Variants in PTPRD observed in about 807,000 individuals in gnomAD.
The protein encoded by PTPRD is protein tyrosine phosphatase receptor type D.
In PTPRD, 34 loss-of-function variants were observed where a neutral mutation model predicts 214.5. The ratio of observed to expected loss-of-function variants is 0.16; its 90% CI spans 0.12 to 0.21. The LOEUF (loss-of-function observed/expected upper bound fraction) is 0.21, where lower values mean the gene tolerates loss of function less well. Among genes scored for constraint, PTPRD ranks in the 10% least tolerant of loss-of-function variants. The probability of loss-of-function intolerance (pLI) is 1.00; values close to 1 mark genes in which losing one functional copy is unlikely to be tolerated. For synonymous variants in PTPRD, 1,128 were observed against 845.7 expected (o/e 1.33, Z -5.79); for missense variants, 2,545 against 2,398.7 (o/e 1.06, Z -1.27).
intron 4 of PTPRD, among the ~76,000 whole-genome samples, chr9:9,964,051 C>T (rs1266415505): frequency 1.2e-5 from 1 of 83,106 alleles, no homozygotes; most frequent in Non-Finnish European, 2.8e-5. Context: ...CAGACAGAGG[C>T]AGAGGCAGGC....
intron 7 of PTPRD, among the ~76,000 whole-genome samples, chr9:9,631,981 A>C (rs533177801): frequency 1.3e-5 from 2 of 152,340 alleles, no homozygotes; most frequent in East Asian, 3.9e-4. Context: ...TAATGGAAAA[A>C]GGGTTTAACA....
At chr9:8,770,112 C>A (rs901943579) in intron 11 of PTPRD, among the ~76,000 whole-genome samples, 10 of 151,988 alleles carry the variant, frequency 6.6e-5, no homozygotes, top group African/African-American at 2.4e-4. Flanking sequence ...GAACCCTCGT[C>A]TCTACCAAAA....
intron 10 of PTPRD, among the ~76,000 whole-genome samples, chr9:9,113,102 C>G (rs2154453017): frequency 6.6e-6 from 1 of 151,816 alleles, no homozygotes; most frequent in East Asian, 1.9e-4. Context: ...GTGGCTAGAA[C>G]TATGGATGTG....
At chr9:8,773,436 C>T (rs946421524) in intron 11 of PTPRD, among the ~76,000 whole-genome samples, 6 of 152,132 alleles carry the variant, frequency 3.9e-5, no homozygotes, top group South Asian at 4.1e-4. Flanking sequence ...TCATGGTACT[C>T]GCTTGTTGGT....
At position 9,159,156 on chromosome 9, in the gene PTPRD, A is replaced by C. The variant is rs931075006; in HGVS notation, c.-143+24148T>G. Among the ~76,000 whole-genome samples the C allele has an allele frequency of 2.0e-5, 3 of 152,212 alleles. No individual in the cohort carries two copies. The South Asian group carries it at 6.2e-4, about 31-fold the overall frequency. On this transcript the variant is annotated intron_variant, in intron 10 of 45. Coordinates refer to ENST00000381196, the MANE Select transcript of PTPRD (RefSeq NM_002839.4). ...CTTTAAGGTCAGGGACAAGACAAGA[A>C]TGCCAAATTTGACAACTTCCTTTCA...
intron 3 of PTPRD, among the ~76,000 whole-genome samples, chr9:10,166,262 A>C (rs2099158436): frequency 6.6e-6 from 1 of 150,390 alleles, no homozygotes; most frequent in South Asian, 2.1e-4. Context: ...AAAAAACAAA[A>C]CACTCACACT....
At chr9:8,317,969 G>C (rs2130471420) in intron 45 of PTPRD, 27 bp from the exon 46 acceptor site, 1 of 1,590,232 alleles carries the variant, frequency 6.3e-7, no homozygotes, top group Non-Finnish European at 8.6e-7. Flanking sequence ...ATGGGGAGAA[G>C]CAAAAGAAGG....
At chr9:8,796,953 T>G (rs2096445334) in intron 11 of PTPRD, among the ~76,000 whole-genome samples, 1 of 152,164 alleles carries the variant, frequency 6.6e-6, no homozygotes, top group African/African-American at 2.4e-5. Context: ...TTCTAGTTTA[T>G]GGAATTGAAT....
At chr9:9,231,779 C>T (rs1480653612) in intron 9 of PTPRD, among the ~76,000 whole-genome samples, 5 of 151,954 alleles carry the variant, frequency 3.3e-5, no homozygotes, top group African/African-American at 7.3e-5. Flanking sequence ...ATGTGCACAA[C>T]GTACAGGTTT....
intron 39 of PTPRD, among the ~76,000 whole-genome samples, chr9:8,374,295 G>C (rs924711304): frequency 6.6e-6 from 1 of 151,742 alleles, no homozygotes; most frequent in Admixed American, 6.6e-5. Context: ...GGTCAGATCT[G>C]ACCAAGCAGA....
chr9:10,094,186 C>G (rs556311175), intron 3 of PTPRD, among the ~76,000 whole-genome samples: 11 of 151,600 alleles, frequency 7.3e-5, no homozygotes, highest in Non-Finnish European at 1.6e-4. Flanking sequence ...TTTACTCTGT[C>G]TATCCTCCTA....
intron 2 of PTPRD, among the ~76,000 whole-genome samples, chr9:10,468,650 A>G (rs912484269): frequency 1.3e-5 from 2 of 152,162 alleles, no homozygotes; most frequent in Admixed American, 1.3e-4. Context: ...AATATAATAA[A>G]AACATTAAAA....
At chr9:8,726,569 TAAAA>T (rs764810328) in intron 12 of PTPRD, among the ~76,000 whole-genome samples, 2 of 1,982 alleles carry the variant, frequency 1.0e-3, no homozygotes, top group Non-Finnish European at 8.4e-4. Context: ...CGGTCTCTAC[TAAAA>T]AAAAAAAAAA....
intron 11 of PTPRD, among the ~76,000 whole-genome samples, chr9:8,890,076 A>G (rs1224545730): frequency 2.0e-5 from 3 of 152,236 alleles, no homozygotes; most frequent in African/African-American, 7.2e-5. Flanking sequence ...CATTCCCTCC[A>G]GTAGTGTAAA....
chr9:9,424,437 G>A (rs186954009), intron 8 of PTPRD, among the ~76,000 whole-genome samples: 1 of 152,190 alleles, frequency 6.6e-6, no homozygotes, highest in Non-Finnish European at 1.5e-5. Flanking sequence ...ATAGCCCACG[G>A]CATTGTGTAG....
At chr9:8,866,481 T>C (rs1202755017) in intron 11 of PTPRD, among the ~76,000 whole-genome samples, 1 of 152,124 alleles carries the variant, frequency 6.6e-6, no homozygotes, top group Non-Finnish European at 1.5e-5. Context: ...CCAATTAACC[T>C]TAATAAAACA....
rs76032048 is a variant in PTPRD, at chr9:10,137,701, TAAAA to T, written c.-544-103915_-544-103912del. Among the ~76,000 whole-genome samples, 80 of 72,002 alleles carry T rather than the reference TAAAA, an allele frequency of 1.1e-3. 4 individuals carry two copies. The highest frequency in any genetic ancestry group is 1.7e-3 in the Non-Finnish European group (68 of 39,358). The allele number at this position is 72,002 out of a possible 152,430, so 47.2% of individuals were successfully genotyped here. ...ATGTACCCTAAAACTTAGAGTATAA[TAAAA>T]AAAAAAAAAAAAAAAAGAAATCATA... On this transcript the variant is annotated intron_variant, in intron 3 of 45. Transcript: ENST00000381196.
At chr9:9,264,135 CA>C (rs1292368953) in intron 9 of PTPRD, among the ~76,000 whole-genome samples, 1 of 151,542 alleles carries the variant, frequency 6.6e-6, no homozygotes, top group African/African-American at 2.4e-5. Context: ...GCAAAAACTT[CA>C]AGACTTCGAT....
At chr9:10,166,704 G>A (rs975051290) in intron 3 of PTPRD, among the ~76,000 whole-genome samples, 2 of 152,014 alleles carry the variant, frequency 1.3e-5, no homozygotes, top group Non-Finnish European at 2.9e-5. Flanking sequence ...GCACTTGGAA[G>A]TGGATAATAA....
Sources: gnomAD v4.1 joint callset for allele counts (sites outside exome capture counted in the v4.1 genomes callset) on GRCh38, gnomAD v4.1.1 for gene constraint, MANE v1.5 for transcripts, NCBI Gene and HGNC (gene_info 2026-07-23, HGNC 2026-07-21) for gene names.